The following RAP1A variants were observed in gnomAD, a reference collection of about 807,000 sequenced individuals.
The protein encoded by RAP1A is ras-related protein Rap-1A.
A neutral mutation model predicts 26.4 loss-of-function variants in RAP1A; 6 were observed. That is an observed-to-expected ratio of 0.23 (90% CI 0.12 to 0.45). The LOEUF (loss-of-function observed/expected upper bound fraction) is 0.45. Among genes scored for constraint, RAP1A ranks in the 20% least tolerant of loss-of-function variants. The probability of loss-of-function intolerance (pLI) is 0.99; values close to 1 mark genes in which losing one functional copy is unlikely to be tolerated. For missense variants in RAP1A, 121 were observed against 217.2 expected (o/e 0.56, Z 2.78); for synonymous variants, 73 against 79.4 (o/e 0.92, Z 0.43).
Position 111,592,516 on chromosome 1 carries a change from C to T in RAP1A, c.-28+50007C>T, listed in dbSNP as rs1008100435. Among the ~76,000 whole-genome samples, 14 of 152,168 alleles carry T rather than the reference C, an allele frequency of 9.2e-5. 1 individual carries two copies. Among genetic ancestry groups the T allele is most frequent in the Admixed American group, 6.5e-4 (10 of 15,280 alleles). ...GATTTCTATCATGTTCTGTAGGCCACGCTTGACAGTCCTGTAACTGCACCC... is the reference window on the plus strand; with the variant it reads ...GATTTCTATCATGTTCTGTAGGCCATGCTTGACAGTCCTGTAACTGCACCC... On this transcript the variant is annotated intron_variant, in intron 1 of 7. Coordinates refer to the RAP1A transcript ENST00000356415.
At chr1:111,573,338 A>C (rs1658085001) in intron 1 of RAP1A, among the ~76,000 whole-genome samples, 1 of 152,062 alleles carries the variant, frequency 6.6e-6, no homozygotes, top group Non-Finnish European at 1.5e-5. Flanking sequence ...GGTTAAACTA[A>C]TTTGCACTCC....
chr1:111,619,729 G>T, upstream of RAP1A: 1 of 393,844 alleles, frequency 2.5e-6, no homozygotes, highest in Non-Finnish European at 4.5e-6. Context: ...TGGAGGGGCG[G>T]GGCAGAACCA....
chr1:111,552,708 A>T (rs113452370), intron 1 of RAP1A, among the ~76,000 whole-genome samples: 164 of 152,286 alleles, frequency 1.1e-3, no homozygotes, highest in African/African-American at 3.7e-3. Context: ...TTCTGGAATC[A>T]TATGTTGGTG....
chr1:111,674,710 C>G (rs1661072005), intron 1 of RAP1A, among the ~76,000 whole-genome samples: 1 of 152,122 alleles, frequency 6.6e-6, no homozygotes, highest in Non-Finnish European at 1.5e-5. Flanking sequence ...AGCTAGATAC[C>G]TAGGAGTTAT....
chr1:111,582,844 C>G (rs1658284915), intron 1 of RAP1A, among the ~76,000 whole-genome samples: 1 of 152,204 alleles, frequency 6.6e-6, no homozygotes, highest in Admixed American at 6.5e-5. Flanking sequence ...GATTGCTTGT[C>G]CTTTGAAGCT....
At chr1:111,673,066 G>T (rs991306213) in intron 1 of RAP1A, among the ~76,000 whole-genome samples, 1 of 151,838 alleles carries the variant, frequency 6.6e-6, no homozygotes, top group Non-Finnish European at 1.5e-5. Flanking sequence ...TCTTTTGTTC[G>T]GCACTCTCTG....
chr1:111,709,379 T>C (rs1290677540), intron 7 of RAP1A, 115 bp downstream of exon 7: 5 of 1,190,842 alleles, frequency 4.2e-6, no homozygotes, highest in Non-Finnish European at 5.6e-6. Context: ...CTGTAACTTG[T>C]AAATGTGATA....
At chr1:111,670,967 C>A (rs1489528629) in intron 1 of RAP1A, among the ~76,000 whole-genome samples, 1 of 152,118 alleles carries the variant, frequency 6.6e-6, no homozygotes, top group African/African-American at 2.4e-5. Context: ...TGGAGAGTTA[C>A]AAAGGTGCAA....
At chr1:111,568,235 G>C (rs1303332190) in intron 1 of RAP1A, among the ~76,000 whole-genome samples, 1 of 152,162 alleles carries the variant, frequency 6.6e-6, no homozygotes, top group Non-Finnish European at 1.5e-5. Flanking sequence ...AGGCTTAATT[G>C]GTTCATGGTT....
chr1:111,624,956 A>C (rs1659347334), intron 1 of RAP1A, among the ~76,000 whole-genome samples: 1 of 152,156 alleles, frequency 6.6e-6, no homozygotes, highest in African/African-American at 2.4e-5. Flanking sequence ...AAATCACTCA[A>C]ATTTTCCCAG....
intron 3 of RAP1A, among the ~76,000 whole-genome samples, chr1:111,696,951 GTATT>G (rs1404218068): frequency 6.6e-5 from 10 of 152,040 alleles, no homozygotes; most frequent in Non-Finnish European, 1.3e-4. Flanking sequence ...ATTTTACTGT[GTATT>G]TAATTTTCTG....
At chr1:111,599,165 A>G (rs905916938) in intron 1 of RAP1A, among the ~76,000 whole-genome samples, 1 of 152,058 alleles carries the variant, frequency 6.6e-6, no homozygotes, top group Non-Finnish European at 1.5e-5. Flanking sequence ...GCTTCATTAC[A>G]TAGGCATGAT....
chr1:111,563,771 T>C lies in RAP1A; in HGVS notation c.-28+21262T>C, dbSNP rs1232885383. 2.8e-6 allele frequency: 3 copies of C among 1,077,282 alleles called. No homozygotes were observed. The Admixed American group carries it at 5.3e-5, about 19-fold the overall frequency. 66.7% of individuals were successfully genotyped at this position (1,077,282 alleles called of 1,614,324 possible). A position where few individuals can be genotyped will look rare whatever the true frequency, so the allele number is the denominator to read the frequency against. ...GCTTGCCCCATATCATGAATAAATG[T>C]TCCAAAGTGGTCAGTATGCAGACTC... is the stretch of plus-strand genomic sequence containing the variant. On this transcript the variant is annotated intron_variant, in intron 1 of 7. Coordinates refer to the RAP1A transcript ENST00000356415.
chr1:111,663,802 C>A (rs1255456015), intron 1 of RAP1A, among the ~76,000 whole-genome samples: 1 of 152,028 alleles, frequency 6.6e-6, no homozygotes, highest in African/African-American at 2.4e-5. Context: ...GGAATGGCAT[C>A]TTTTATCTGC....
At chr1:111,660,312 C>T (rs1325813820) in intron 1 of RAP1A, among the ~76,000 whole-genome samples, 1 of 152,162 alleles carries the variant, frequency 6.6e-6, no homozygotes, top group Non-Finnish European at 1.5e-5. Flanking sequence ...ATGTTTTCCC[C>T]CCCTCTGGCT....
intron 1 of RAP1A, among the ~76,000 whole-genome samples, chr1:111,666,388 T>C (rs1660795926): frequency 6.6e-6 from 1 of 152,218 alleles, no homozygotes; most frequent in South Asian, 2.1e-4. Flanking sequence ...CATGTGCATA[T>C]ATTAGTTTCC....
At chr1:111,552,220 A>C (rs1313621502) in intron 1 of RAP1A, among the ~76,000 whole-genome samples, 1 of 152,214 alleles carries the variant, frequency 6.6e-6, no homozygotes, top group Non-Finnish European at 1.5e-5. Context: ...CAATCAACCA[A>C]GGACAAATAT....
chr1:111,618,438 C>T (rs1000152480), upstream of RAP1A, among the ~76,000 whole-genome samples: 10 of 152,310 alleles, frequency 6.6e-5, no homozygotes, highest in South Asian at 2.1e-3. Context: ...ACTGGTAGCG[C>T]CTCCTTTTCT....
chr1:111,591,388 A>C (rs1328922662), intron 1 of RAP1A, among the ~76,000 whole-genome samples: 8 of 152,064 alleles, frequency 5.3e-5, no homozygotes, highest in African/African-American at 1.9e-4. Flanking sequence ...CTATTGTTCC[A>C]TTATTCAATG....
Sources: allele counts gnomAD v4.1 joint callset (sites outside exome capture counted in the v4.1 genomes callset), GRCh38; gene constraint gnomAD v4.1.1; transcripts MANE v1.5; gene names NCBI Gene and HGNC (gene_info 2026-07-23, HGNC 2026-07-21).